The following PCLO variants were observed in gnomAD, a reference collection of about 807,000 sequenced individuals.
PCLO encodes piccolo presynaptic cytomatrix protein.
In PCLO, 82 loss-of-function variants were observed where a neutral mutation model predicts 427.5. The observed-to-expected ratio is 0.19, with a 90% CI of 0.16 to 0.23. The LOEUF is 0.23. Ranked by LOEUF, PCLO falls within the 10% of genes least tolerant of loss-of-function variation. PCLO has a pLI of 1.00. For synonymous variants in PCLO, 2,357 were observed against 2,155.4 expected (o/e 1.09, Z -2.59); for missense variants, 6,239 against 6,115.9 (o/e 1.02, Z -0.67).
At chr7:82,932,083 C>A (rs1163229786) in intron 6 of PCLO, among the ~76,000 whole-genome samples, 1 of 152,094 alleles carries the variant, frequency 6.6e-6, no homozygotes, top group African/African-American at 2.4e-5. Flanking sequence ...GTCATCAAGG[C>A]AGCAATTATC....
At chr7:83,056,143 T>G (rs917161317) in intron 3 of PCLO, among the ~76,000 whole-genome samples, 1 of 152,194 alleles carries the variant, frequency 6.6e-6, no homozygotes, top group South Asian at 2.1e-4. Context: ...TATAGGTTTC[T>G]GGGCCTCACA....
intron 3 of PCLO, among the ~76,000 whole-genome samples, chr7:83,133,094 T>C (rs975896859): frequency 6.6e-6 from 1 of 152,034 alleles, no homozygotes; most frequent in Non-Finnish European, 1.5e-5. Flanking sequence ...AACATTTTCA[T>C]ACAGTGTTAA....
intron 3 of PCLO, among the ~76,000 whole-genome samples, chr7:83,094,210 C>CTTT (rs767490139): frequency 0.13 from 16,579 of 125,538 alleles, 1,532 homozygotes; most frequent in African/African-American, 0.19. Context: ...ATTTTTTTTT[C>CTTT]TTTTTTTTTT....
intron 3 of PCLO, among the ~76,000 whole-genome samples, chr7:83,127,075 C>T (rs1223936125): frequency 1.3e-5 from 2 of 151,838 alleles, no homozygotes; most frequent in Admixed American, 6.6e-5. Context: ...ATTTTACTAC[C>T]GCTTTGTTTA....
At chr7:82,782,686 A>G (rs2129468161) in intron 22 of PCLO, among the ~76,000 whole-genome samples, 1 of 152,370 alleles carries the variant, frequency 6.6e-6, no homozygotes, top group African/African-American at 2.4e-5. Flanking sequence ...AATAGTATAG[A>G]ATATCAAAAT....
chr7:82,934,764 A>T lies in PCLO; in HGVS notation c.11112+14712T>A, dbSNP rs1435709013. 2.7e-5 allele frequency among the ~76,000 whole-genome samples: 4 copies of T among 148,422 alleles called. No individual in the cohort carries two copies. The East Asian group carries it at 7.7e-4, about 29-fold the overall frequency. On this transcript the variant is annotated intron_variant, in intron 6 of 24. Transcript: ENST00000333891. The stretch of plus-strand genomic sequence containing the variant: ...TAAGAGAAACAGAAAATAGATATAG[A>T]TATATTTCTAACCATAAACTACATT...
chr7:82,831,753 T>C (rs372661189), intron 16 of PCLO, among the ~76,000 whole-genome samples: 1 of 152,168 alleles, frequency 6.6e-6, no homozygotes, highest in African/African-American at 2.4e-5. Flanking sequence ...AAAAACAGCT[T>C]GCTCCTAAAC....
intron 3 of PCLO, among the ~76,000 whole-genome samples, chr7:82,999,564 T>C (rs185087024): frequency 5.7e-4 from 13 of 22,666 alleles, no homozygotes; most frequent in African/African-American, 2.7e-3. Context: ...TATATTAAAA[T>C]ATAAAATATA....
intron 3 of PCLO, among the ~76,000 whole-genome samples, chr7:83,016,693 T>C (rs1409927061): frequency 6.6e-6 from 1 of 152,076 alleles, no homozygotes; most frequent in African/African-American, 2.4e-5. Context: ...ATTCTGAATA[T>C]AAAAGTACTA....
chr7:82,819,830 G>C (rs1301613534), intron 20 of PCLO, among the ~76,000 whole-genome samples: 5 of 152,058 alleles, frequency 3.3e-5, no homozygotes, highest in African/African-American at 1.2e-4. Flanking sequence ...AAAGTATAAG[G>C]CTTGATTTTA....
intron 3 of PCLO, among the ~76,000 whole-genome samples, chr7:83,052,830 T>C (rs1361905648): frequency 2.6e-5 from 4 of 151,944 alleles, no homozygotes; most frequent in Admixed American, 1.3e-4. Flanking sequence ...GTAATTAGTT[T>C]TATAATCCAA....
At chr7:83,092,286 C>A (rs745877520) in intron 3 of PCLO, among the ~76,000 whole-genome samples, 8 of 152,164 alleles carry the variant, frequency 5.3e-5, no homozygotes, top group Non-Finnish European at 8.8e-5. Context: ...CTGAAAGATT[C>A]TCTACAAAAC....
At chr7:82,815,092 T>C (rs1488444270) in intron 20 of PCLO, among the ~76,000 whole-genome samples, 2 of 94,496 alleles carry the variant, frequency 2.1e-5, no homozygotes, top group African/African-American at 9.8e-5. Flanking sequence ...ATTTTAATTG[T>C]CTCTAAGCTT....
rs557546956 is a variant in PCLO, at chr7:83,020,287, C to T, written c.3301-53800G>A. The stretch of plus-strand genomic sequence containing the variant: ...TTACATTCCATCTTTCATGAGGGTG[C>T]AGAATTTGCTGACACTTGATGAAGC... On this transcript the variant is annotated intron_variant, in intron 3 of 24. Coordinates refer to ENST00000333891, the MANE Select transcript of PCLO (RefSeq NM_033026.6). Among the ~76,000 whole-genome samples, 7 of 152,166 alleles carry T rather than the reference C, an allele frequency of 4.6e-5. No homozygotes were observed. The South Asian group carries it at 6.2e-4, about 14-fold the overall frequency.
intron 9 of PCLO, among the ~76,000 whole-genome samples, chr7:82,895,150 GAAACT>G (rs1325080257): frequency 9.2e-5 from 14 of 151,852 alleles, no homozygotes; most frequent in African/African-American, 3.1e-4. Flanking sequence ...CAACTACAAT[GAAACT>G]AAACTAAAGA....
chr7:82,762,245 T>G (rs1253058604), intron 22 of PCLO, among the ~76,000 whole-genome samples: 1 of 152,010 alleles, frequency 6.6e-6, no homozygotes, highest in Non-Finnish European at 1.5e-5. Context: ...AGCAGATGCT[T>G]AGGGAGGTGC....
At chr7:83,074,398 A>C (rs1178254127) in intron 3 of PCLO, among the ~76,000 whole-genome samples, 3 of 152,094 alleles carry the variant, frequency 2.0e-5, no homozygotes, top group African/African-American at 4.8e-5. Flanking sequence ...TGTCTGAGGA[A>C]CATTATGATA....
intron 3 of PCLO, among the ~76,000 whole-genome samples, chr7:83,061,057 G>A (rs1464411773): frequency 3.3e-5 from 5 of 152,164 alleles, no homozygotes; most frequent in Admixed American, 1.3e-4. Flanking sequence ...CTAGTGGTGT[G>A]TAAAAAATTA....
At chr7:82,940,215 A>G (rs948514105) in intron 6 of PCLO, among the ~76,000 whole-genome samples, 4 of 152,202 alleles carry the variant, frequency 2.6e-5, no homozygotes, top group African/African-American at 9.6e-5. Context: ...TCCTGCCACA[A>G]GTGACCTATT....
Sources: allele counts gnomAD v4.1 joint callset (sites outside exome capture counted in the v4.1 genomes callset), GRCh38; gene constraint gnomAD v4.1.1; transcripts MANE v1.5; gene names NCBI Gene and HGNC (gene_info 2026-07-23, HGNC 2026-07-21).